AKT2: variants seen among roughly 807,000 people sequenced by gnomAD.
The protein encoded by AKT2 is AKT serine/threonine kinase 2.
A neutral mutation model predicts 58.6 loss-of-function variants in AKT2; 16 were observed. That is an observed-to-expected ratio of 0.27 (90% CI 0.18 to 0.41). The LOEUF (loss-of-function observed/expected upper bound fraction) is 0.41, where lower values mean the gene tolerates loss of function less well. AKT2 is among the 10% of genes least tolerant of loss of function. AKT2 has a pLI of 1.00. For synonymous variants in AKT2, 253 were observed against 254.0 expected (o/e 1.00, Z 0.04); for missense variants, 438 against 661.0 (o/e 0.66, Z 3.70).
At chr19:40,274,074 C>T (rs1600105127) in intron 1 of AKT2, 2 of 152,798 alleles carry the variant, frequency 1.3e-5, no homozygotes, top group South Asian at 2.1e-4. Context: ...CACCCATCTT[C>T]TTCACGGAGG....
At chr19:40,277,403 C>T (rs2077346829) in intron 1 of AKT2, among the ~76,000 whole-genome samples, 1 of 152,212 alleles carries the variant, frequency 6.6e-6, no homozygotes, top group Non-Finnish European at 1.5e-5. Flanking sequence ...GGCGCCCTGT[C>T]TCCAAAGCAG....
chr19:40,237,981 G>A lies in AKT2; in HGVS notation c.819C>T (p.Tyr273=), dbSNP rs2145177911. The change falls in exon 9 of 14, where the codon TAC becomes TAT. Residue 273 remains tyrosine, a synonymous_variant. Coordinates refer to ENST00000392038, the MANE Select transcript of AKT2 (RefSeq NM_001626.6). The surrounding 1 kb of genome is among the most constrained non-coding windows in gnomAD (Gnocchi z 4.5). The part of the protein sequence containing the change: ...LEYLHSRDVV[Y]RDIKLENLML... ...CCCTGCCACTAACCTTGATGTCGCG[G>A]TATACCACGTCCCGCGAGTGCAAGT... The A allele has an allele frequency of 6.2e-7, 1 of 1,613,654 alleles. No homozygotes were observed. Among genetic ancestry groups the A allele is most frequent in the Non-Finnish European group, 8.5e-7 (1 of 1,179,884 alleles).
intron 2 of AKT2, among the ~76,000 whole-genome samples, chr19:40,264,064 C>G (rs1384469309): frequency 6.6e-6 from 1 of 152,150 alleles, no homozygotes; most frequent in East Asian, 1.9e-4. Flanking sequence ...AAGATACTAA[C>G]ACGAGGATGG....
In AKT2 at chr19:40,235,432, T is replaced by C. The variant is rs111250452; in HGVS notation, c.1176-82A>G. Reference sequence around the variant, plus strand: ...GGGCTTTCGGAGCAGGCAGGCCCTGTATGGCCCTTAATGATTCTGTCTTGA... The same window carrying C: ...GGGCTTTCGGAGCAGGCAGGCCCTGCATGGCCCTTAATGATTCTGTCTTGA... On this transcript the variant is annotated intron_variant, in intron 11 of 13. Coordinates refer to ENST00000392038, the MANE Select transcript of AKT2 (RefSeq NM_001626.6). The surrounding 1 kb of genome is among the most constrained non-coding windows in gnomAD (Gnocchi z 6.3). 22 of 1,224,158 alleles carry C rather than the reference T, an allele frequency of 1.8e-5. No individual in the cohort carries two copies. The highest frequency in any genetic ancestry group is 1.6e-4 in the African/African-American group (11 of 67,430). 75.8% of individuals were successfully genotyped at this position (1,224,158 alleles called of 1,614,324 possible). A position where few individuals can be genotyped will look rare whatever the true frequency, so the allele number is the denominator to read the frequency against.
In AKT2 at chr19:40,231,715, C is replaced by T. The variant is rs570798094; in HGVS notation, c.*2157G>A. ...GCCATGCAGCCACGTGACTCAAGCA[C>T]GGGAAGTGCAGGGGCCCAGACACAT... is the stretch of plus-strand genomic sequence containing the variant. On this transcript the variant is annotated 3_prime_UTR_variant, in exon 14 of 14. Transcript: ENST00000392038. 8 of 233,458 alleles carry T rather than the reference C, an allele frequency of 3.4e-5. No homozygotes were observed. Among genetic ancestry groups the T allele is most frequent in the South Asian group, 1.8e-4 (1 of 5,534 alleles). 14.5% of individuals were successfully genotyped at this position (233,458 alleles called of 1,614,324 possible).
chr19:40,239,794 A>G (rs770692563), intron 7 of AKT2: 55 of 675,992 alleles, frequency 8.1e-5, no homozygotes, highest in Non-Finnish European at 8.7e-5. Context: ...AAATAATGTG[A>G]TATCTTCAGT....
intron 3 of AKT2, 28 bp from the exon 4 acceptor site, chr19:40,255,297 G>A (rs774226881): frequency 3.8e-6 from 6 of 1,586,532 alleles, no homozygotes; most frequent in East Asian, 2.2e-5. Context: ...AGACAGCAGG[G>A]GGCTGAGGGG....
In AKT2 at chr19:40,234,288, T is replaced by C. The variant is rs1156862035; in HGVS notation, c.1367-337A>G. On this transcript the variant is annotated intron_variant, in intron 13 of 13. Coordinates refer to ENST00000392038, the MANE Select transcript of AKT2 (RefSeq NM_001626.6). The surrounding 1 kb of genome is among the most constrained non-coding windows in gnomAD (Gnocchi z 4.7). ...CCTGCCTCTCGCACCCTCCCATCCA[T>C]TCTCCACGGGCAGCCAGGGGGGCTT... Among the ~76,000 whole-genome samples, 5 of 152,056 alleles carry C rather than the reference T, an allele frequency of 3.3e-5. No homozygotes were observed. In the East Asian group the frequency reaches 9.7e-4, roughly 29 times the overall value.
chr19:40,265,156 G>C, intron 2 of AKT2, 66 bp downstream of exon 2: 1 of 1,581,598 alleles, frequency 6.3e-7, no homozygotes, highest in African/African-American at 1.3e-5. Context: ...CTGCCTCTCA[G>C]GGCACAGCTT....
chr19:40,256,253 G>A (rs1191869719), intron 3 of AKT2, among the ~76,000 whole-genome samples: 1 of 152,134 alleles, frequency 6.6e-6, no homozygotes, highest in Non-Finnish European at 1.5e-5. Context: ...ACGGGGACTG[G>A]GTTCCACAGC....
rs895423331 is a variant in AKT2, at chr19:40,232,696, C to T, written c.*1176G>A. 1 of 233,432 alleles carries T rather than the reference C, an allele frequency of 4.3e-6. No individual in the cohort carries two copies. The highest frequency in any genetic ancestry group is 2.2e-5 in the African/African-American group (1 of 45,340). The allele number at this position is 233,432 out of a possible 1,614,324, so 14.5% of individuals were successfully genotyped here. On this transcript the variant is annotated 3_prime_UTR_variant, in exon 14 of 14. Coordinates refer to ENST00000392038, the MANE Select transcript of AKT2 (RefSeq NM_001626.6). ...GGCCCAAGCCCACACACCATGCACA[C>T]TGGAGGACACGCTGCCCTCACACAA...
intron 2 of AKT2, among the ~76,000 whole-genome samples, chr19:40,259,926 G>A (rs1975815270): frequency 6.6e-6 from 1 of 152,128 alleles, no homozygotes; most frequent in South Asian, 2.1e-4. Flanking sequence ...GTCGAGGCAG[G>A]CGGATCACTT....
chr19:40,280,576 A>G (rs1330813630), intron 1 of AKT2, among the ~76,000 whole-genome samples: 1 of 151,938 alleles, frequency 6.6e-6, no homozygotes, highest in Non-Finnish European at 1.5e-5. Context: ...GACAGTCCAC[A>G]AGGCTCCCAG....
At position 40,235,042 on chromosome 19, in the gene AKT2, C is replaced by A; in HGVS notation, c.1366+3G>T. 1 of 1,614,006 alleles carries A rather than the reference C, an allele frequency of 6.2e-7. No individual in the cohort carries two copies. The highest frequency in any genetic ancestry group is 8.5e-7 in the Non-Finnish European group (1 of 1,179,840). ...CACCAGCGCGGGGGCCCCAGGCACT[C>A]ACAGCGGTCAGGGGGTGTGATTGTG... On this transcript the variant is annotated splice_donor_region_variant and intron_variant, in intron 13 of 13. Transcript: ENST00000392038. The surrounding 1 kb of genome is among the most constrained non-coding windows in gnomAD (Gnocchi z 6.3).
chr19:40,253,789 G>A lies in AKT2; in HGVS notation c.287+1369C>T, dbSNP rs183132641. Among the ~76,000 whole-genome samples the A allele has an allele frequency of 1.9e-3, 282 of 151,898 alleles. 2 individuals are homozygous for A. Among genetic ancestry groups the A allele is most frequent in the African/African-American group, 6.6e-3 (274 of 41,406 alleles). Reference sequence around the variant, plus strand: ...ATTCCTTATAATGAGCCAAAGGCTGGAAACAACCCCAGTCATCACAATAAA... The same window carrying A: ...ATTCCTTATAATGAGCCAAAGGCTGAAAACAACCCCAGTCATCACAATAAA... On this transcript the variant is annotated intron_variant, in intron 4 of 13. Coordinates refer to ENST00000392038, the MANE Select transcript of AKT2 (RefSeq NM_001626.6).
rs779546086 is a variant in AKT2 at position 40,233,959 on chromosome 19, C to T, written c.1367-8G>A. 4.3e-6 allele frequency: 7 copies of T among 1,609,654 alleles called. No individual in the cohort carries two copies. Among genetic ancestry groups the T allele is most frequent in the Admixed American group, 1.7e-5 (1 of 59,972 alleles). ...GTAAGCCCAGGCTGTCATCTGTGGG[C>T]GGCAGAGGTGGATGGGGAGGACCAG... On this transcript the variant is annotated splice_region_variant and splice_polypyrimidine_tract_variant and intron_variant, in intron 13 of 13. Coordinates refer to ENST00000392038, the MANE Select transcript of AKT2 (RefSeq NM_001626.6). This position sits in a 1 kb window ranked among gnomAD's most constrained non-coding sequence, Gnocchi z 4.3.
intron 4 of AKT2, among the ~76,000 whole-genome samples, chr19:40,248,597 T>C (rs975289362): frequency 1.3e-5 from 2 of 152,066 alleles, no homozygotes; most frequent in Admixed American, 1.3e-4. Context: ...AGGCAGGGGA[T>C]TGGGAGGGAA....
chr19:40,261,472 G>A lies in AKT2; in HGVS notation c.46+3750C>T, dbSNP rs571159379. ...TCCTTGAACCAAGGAGGCAGAGGTT[G>A]CAGTGAGCCGAGATCGCGCCACGGC... On this transcript the variant is annotated intron_variant, in intron 2 of 13. Coordinates refer to ENST00000392038, the MANE Select transcript of AKT2 (RefSeq NM_001626.6). 2.6e-5 allele frequency among the ~76,000 whole-genome samples: 4 copies of A among 151,518 alleles called. No homozygotes were observed. In the South Asian group the frequency reaches 8.3e-4, roughly 32 times the overall value.
chr19:40,256,844 A>G, intron 3 of AKT2, 82 bp downstream of exon 3: 2 of 1,600,632 alleles, frequency 1.2e-6, no homozygotes, highest in Non-Finnish European at 1.7e-6. Context: ...CCATGGCTCA[A>G]TGACCAAGTC....
Sources: gnomAD v4.1 joint callset for allele counts (sites outside exome capture counted in the v4.1 genomes callset) on GRCh38, gnomAD v4.1.1 for gene constraint, Gnocchi (gnomAD v3.1) non-coding constraint, MANE v1.5 for transcripts, NCBI Gene and HGNC (gene_info 2026-07-23, HGNC 2026-07-21) for gene names.